The following IGF2BP2 variants were observed in gnomAD, a reference collection of about 807,000 sequenced individuals.
The protein encoded by IGF2BP2 is insulin like growth factor 2 mRNA binding protein 2.
Under a neutral mutation model 75.8 loss-of-function variants are expected in IGF2BP2, and 17 were observed. The ratio of observed to expected loss-of-function variants is 0.22; its 90% confidence interval spans 0.15 to 0.34. The LOEUF is 0.34. IGF2BP2 is among the 10% of genes least tolerant of loss of function. The probability of loss-of-function intolerance (pLI) is 1.00; values close to 1 mark genes in which losing one functional copy is unlikely to be tolerated. For synonymous variants in IGF2BP2, 288 were observed against 295.6 expected (o/e 0.97, Z 0.26); for missense variants, 516 against 772.4 (o/e 0.67, Z 3.93).
At chr3:185,787,396 G>A (rs1736043185) in intron 2 of IGF2BP2, among the ~76,000 whole-genome samples, 2 of 152,250 alleles carry the variant, frequency 1.3e-5, no homozygotes, top group East Asian at 1.9e-4. Flanking sequence ...AAAAAAAAAT[G>A]AGTAGATATT....
intron 12 of IGF2BP2, among the ~76,000 whole-genome samples, chr3:185,655,517 TAGA>T (rs1715289649): frequency 1.3e-5 from 2 of 152,344 alleles, no homozygotes; most frequent in Admixed American, 1.3e-4. Flanking sequence ...GCTGGGGAAG[TAGA>T]AGGTTGCTGG....
rs564178341 is a variant in IGF2BP2, at chr3:185,725,386, T to C, written c.240-27039A>G. ...TGGGCTGAGGTTGTCGGCAGGGGAC[T>C]CAGTAGGAGAGCACTGATACTATGT... On this transcript the variant is annotated intron_variant, in intron 2 of 15. Transcript: ENST00000382199. Among the ~76,000 whole-genome samples, 14 of 152,304 alleles carry C rather than the reference T, an allele frequency of 9.2e-5. No homozygotes were observed. The South Asian group carries it at 2.7e-3, about 29-fold the overall frequency.
chr3:185,673,240 C>T (rs1405006058), intron 9 of IGF2BP2, among the ~76,000 whole-genome samples: 2 of 152,212 alleles, frequency 1.3e-5, no homozygotes, highest in East Asian at 1.9e-4. Flanking sequence ...CCCTTTCAGA[C>T]TAGAATTTCC....
chr3:185,653,893 G>C (rs1015552404), intron 12 of IGF2BP2, among the ~76,000 whole-genome samples: 1 of 152,272 alleles, frequency 6.6e-6, no homozygotes, highest in African/African-American at 2.4e-5. Flanking sequence ...ATTTACCCTC[G>C]GTGTTGCATT....
intron 2 of IGF2BP2, among the ~76,000 whole-genome samples, chr3:185,734,669 G>C (rs1728624257): frequency 6.6e-6 from 1 of 152,080 alleles, no homozygotes; most frequent in Non-Finnish European, 1.5e-5. Context: ...CAGTAACGTG[G>C]AAAAAAATAA....
intron 2 of IGF2BP2, among the ~76,000 whole-genome samples, chr3:185,774,594 CAAAAAAAA>C: frequency 7.7e-6 from 1 of 129,050 alleles, no homozygotes; most frequent in East Asian, 2.4e-4. Flanking sequence ...GACTCTGTCT[CAAAAAAAA>C]AAAAAGAAAA....
chr3:185,789,882 C>T (rs778921120), intron 2 of IGF2BP2, among the ~76,000 whole-genome samples: 15 of 151,958 alleles, frequency 9.9e-5, no homozygotes, highest in Non-Finnish European at 1.8e-4. Flanking sequence ...TACAGGCGTC[C>T]GCCACCACAT....
chr3:185,678,561 G>A (rs1719896662), intron 7 of IGF2BP2, among the ~76,000 whole-genome samples: 2 of 152,108 alleles, frequency 1.3e-5, no homozygotes. Flanking sequence ...TGTTTTGTAT[G>A]TTCTCTCTCC....
At chr3:185,658,543 T>C in intron 10 of IGF2BP2, 134 bp from the exon 11 acceptor site, 2 of 642,080 alleles carry the variant, frequency 3.1e-6, no homozygotes, top group South Asian at 2.0e-5. Flanking sequence ...TCTACACGCC[T>C]GTCCCTCTGT....
chr3:185,665,452 GAGGAGAAGAAGAAGAAGAAGAAGGAGA>G (rs1717317168), intron 10 of IGF2BP2, among the ~76,000 whole-genome samples: 8 of 109,722 alleles, frequency 7.3e-5, no homozygotes, highest in East Asian at 2.7e-4. Flanking sequence ...GGAGGAGGAG[GAGGAGAAGAAGAAGAAGAAGAAGGAGA>G]AGAAGGAGGA....
chr3:185,689,693 G>A, intron 5 of IGF2BP2, 66 bp from the exon 6 acceptor site: 19 of 1,597,746 alleles, frequency 1.2e-5, no homozygotes, highest in Non-Finnish European at 1.6e-5. Context: ...TCCCGGCCGG[G>A]CGCGGTGGCT....
Position 185,799,807 on chromosome 3 carries a change from G to A in IGF2BP2, c.239+23346C>T, listed in dbSNP as rs558155041. On this transcript the variant is annotated intron_variant, in intron 2 of 15. Coordinates refer to ENST00000382199, the MANE Select transcript of IGF2BP2 (RefSeq NM_006548.6). ...ATGCTGGAGAGGATGTGGAGAAATA[G>A]GAACACTTTTACACTGTTGGTGGGA... 1.3e-4 allele frequency among the ~76,000 whole-genome samples: 19 copies of A among 151,980 alleles called. No individual in the cohort carries two copies. In the South Asian group the frequency reaches 3.5e-3, roughly 28 times the overall value.
intron 6 of IGF2BP2, among the ~76,000 whole-genome samples, chr3:185,687,853 A>C (rs1271709985): frequency 6.6e-6 from 1 of 152,116 alleles, no homozygotes; most frequent in Non-Finnish European, 1.5e-5. Context: ...GAAAGCCTAG[A>C]GCCAAGTCTT....
intron 12 of IGF2BP2, among the ~76,000 whole-genome samples, chr3:185,653,689 C>T (rs1375633903): frequency 1.3e-5 from 2 of 152,054 alleles, no homozygotes; most frequent in African/African-American, 2.4e-5. Context: ...GGTCAGAACA[C>T]ACACATCTCA....
chr3:185,806,075 A>AT (rs891027491), intron 2 of IGF2BP2, among the ~76,000 whole-genome samples: 3 of 152,174 alleles, frequency 2.0e-5, no homozygotes, highest in African/African-American at 7.2e-5. Flanking sequence ...GAGTGCTGGG[A>AT]TTACAGGCAT....
At chr3:185,653,976 A>C (rs1715025207) in intron 12 of IGF2BP2, among the ~76,000 whole-genome samples, 1 of 152,152 alleles carries the variant, frequency 6.6e-6, no homozygotes, top group Non-Finnish European at 1.5e-5. Context: ...CAGAAGGTTC[A>C]ATTTTGTTTC....
At chr3:185,724,294 C>A (rs1279010120) in intron 2 of IGF2BP2, 1 of 152,242 alleles carries the variant, frequency 6.6e-6, no homozygotes, top group Non-Finnish European at 1.5e-5. Flanking sequence ...AATCAGCCAA[C>A]AACAGTCTTG....
chr3:185,715,116 T>C (rs190706722), intron 2 of IGF2BP2, among the ~76,000 whole-genome samples: 21 of 152,168 alleles, frequency 1.4e-4, no homozygotes, highest in African/African-American at 4.8e-4. Flanking sequence ...GGCAACACCT[T>C]AGCAACGCTC....
At chr3:185,663,664 G>A (rs557585412) in intron 10 of IGF2BP2, among the ~76,000 whole-genome samples, 56 of 152,216 alleles carry the variant, frequency 3.7e-4, no homozygotes, top group Admixed American at 2.2e-3. Context: ...AGTGCAAAGC[G>A]CAAGGACCAG....
Sources: gnomAD v4.1 joint callset for allele counts (sites outside exome capture counted in the v4.1 genomes callset) on GRCh38, gnomAD v4.1.1 for gene constraint, MANE v1.5 for transcripts, NCBI Gene and HGNC (gene_info 2026-07-23, HGNC 2026-07-21) for gene names.